CARD14: variants seen among roughly 807,000 people sequenced by gnomAD.
The protein encoded by CARD14 is caspase recruitment domain family member 14, also known as caspase recruitment domain-containing protein 14.
In CARD14, 107 loss-of-function variants were observed where a neutral mutation model predicts 111.5. The ratio of observed to expected loss-of-function variants is 0.96; its 90% CI spans 0.82 to 1.13. The LOEUF (loss-of-function observed/expected upper bound fraction) is 1.13, where lower values mean the gene tolerates loss of function less well. Among genes scored for constraint, CARD14 ranks in the 50% most tolerant of loss-of-function variants. The pLI is 0.00. For synonymous variants in CARD14, 617 were observed against 579.6 expected (o/e 1.06, Z -0.93); for missense variants, 1,322 against 1,362.3 (o/e 0.97, Z 0.47).
At position 80,195,455 on chromosome 17, in the gene CARD14, G is replaced by A. The variant is rs533545806; in HGVS notation, c.1500-103G>A. 2.1e-5 allele frequency: 31 copies of A among 1,499,610 alleles called. No homozygotes were observed. In the East Asian group the frequency reaches 5.7e-4, roughly 28 times the overall value. 92.9% of individuals were successfully genotyped at this position (1,499,610 alleles called of 1,614,324 possible). ...ATTGCAGGCAGCAGCTCCTGCCCTC[G>A]AAGCCCCAGAGCTGGCAGGTGCTGG... On this transcript the variant is annotated intron_variant, in intron 13 of 23. Coordinates refer to ENST00000648509, the MANE Select transcript of CARD14 (RefSeq NM_001366385.1). The surrounding 1 kb of genome is among the most constrained non-coding windows in gnomAD (Gnocchi z 4.7).
intron 1 of CARD14, among the ~76,000 whole-genome samples, chr17:80,171,426 C>T (rs1486440495): frequency 1.3e-5 from 2 of 150,644 alleles, no homozygotes; most frequent in East Asian, 3.9e-4. Flanking sequence ...TCAAGCAATC[C>T]TCCTGCCTTG....
chr17:80,191,691 C>A (rs1254522608), intron 11 of CARD14, among the ~76,000 whole-genome samples: 1 of 152,222 alleles, frequency 6.6e-6, no homozygotes, highest in Non-Finnish European at 1.5e-5. Flanking sequence ...CGAAGGTGCC[C>A]AGTAGACAAG....
In CARD14 at chr17:80,182,602, AGC is replaced by A; in HGVS notation, c.212-50_212-49del. On this transcript the variant is annotated intron_variant, in intron 5 of 23. Coordinates refer to ENST00000648509, the MANE Select transcript of CARD14 (RefSeq NM_001366385.1). The surrounding 1 kb of genome is among the most constrained non-coding windows in gnomAD (Gnocchi z 4.7). The stretch of plus-strand genomic sequence containing the variant: ...CGTGGGGAAGCCAGCCAGGGAGCCC[AGC>A]CCCCTTGGTAGCTGGGTTCTGCCCA... 1.2e-6 allele frequency: 2 copies of A among 1,604,832 alleles called. No homozygotes were observed. Among genetic ancestry groups the A allele is most frequent in the South Asian group, 2.2e-5 (2 of 90,050 alleles).
intron 22 of CARD14, chr17:80,205,856 A>G (rs768867012): frequency 1.6e-5 from 8 of 485,266 alleles, no homozygotes; most frequent in African/African-American, 6.0e-5. Flanking sequence ...AGGTCTCCCA[A>G]CTCCTTGAAT....
At position 80,182,818 on chromosome 17, in the gene CARD14, C is replaced by A; in HGVS notation, c.349+28C>A. Reference sequence around the variant, plus strand: ...GAGAGCTCCGACTTTGACGGTTTGGCAGGCACTTCTAGGAACCTCAGGCTC... The same window carrying A: ...GAGAGCTCCGACTTTGACGGTTTGGAAGGCACTTCTAGGAACCTCAGGCTC... On this transcript the variant is annotated intron_variant, in intron 6 of 23. Coordinates refer to ENST00000648509, the MANE Select transcript of CARD14 (RefSeq NM_001366385.1). The surrounding 1 kb of genome is among the most constrained non-coding windows in gnomAD (Gnocchi z 4.7). 1 of 1,613,498 alleles carries A rather than the reference C, an allele frequency of 6.2e-7. No individual in the cohort carries two copies. The highest frequency in any genetic ancestry group is 8.5e-7 in the Non-Finnish European group (1 of 1,179,548).
At position 80,183,969 on chromosome 17, in the gene CARD14, C is replaced by A; in HGVS notation, c.406C>A (p.Gln136Lys). 6.4e-7 allele frequency: 1 copy of A among 1,562,358 alleles called. No homozygotes were observed. Among genetic ancestry groups the A allele is most frequent in the Non-Finnish European group, 8.7e-7 (1 of 1,152,474 alleles). The change falls in exon 7 of 24, where the codon CAG becomes AAG. Residue 136 changes from glutamine to lysine, a missense_variant. By Grantham distance (53) the Gln-to-Lys change is moderately conservative (BLOSUM62 1). Transcript: ENST00000648509. ...CCTGGCTGGGGCCATCGGCAGCCTG[C>A]AGGAGGAGCTGAACCAGGAAAAGGG... ...ECLAGAIGSL[Q>K]EELNQEKGQK... is the part of the protein sequence containing the mutation.
At chr17:80,197,913 G>A (rs962440272) in intron 14 of CARD14, among the ~76,000 whole-genome samples, 186 bp from the exon 15 acceptor site, 4 of 152,224 alleles carry the variant, frequency 2.6e-5, no homozygotes, top group African/African-American at 9.6e-5. Flanking sequence ...CAGCACAAAG[G>A]ATGGAACAGG....
In CARD14 at chr17:80,202,369, C is replaced by A. The variant is rs772887668; in HGVS notation, c.2168C>A (p.Ser723Tyr). Residue 723 changes from serine to tyrosine, a missense_variant, in exon 18 of 24, where the codon TCT becomes TAT. By Grantham distance (144) the Ser-to-Tyr change is moderately radical. Transcript: ENST00000648509. The part of the protein sequence containing the change: ...CGCWHAHRVN[S>Y]YTMKDTAAHG... ...TGCTGGCATGCCCACCGCGTGAACT[C>A]TTACACCATGAAGGATACTGCCGCG... 2.5e-6 allele frequency: 4 copies of A among 1,613,406 alleles called. No homozygotes were observed. The East Asian group carries it at 8.9e-5, about 36-fold the overall frequency.
At position 80,201,198 on chromosome 17, in the gene CARD14, T is replaced by A. The variant is rs185235825; in HGVS notation, c.1852-546T>A. On this transcript the variant is annotated intron_variant, in intron 16 of 23. Transcript: ENST00000648509. This position sits in a 1 kb window ranked among gnomAD's most constrained non-coding sequence, Gnocchi z 5.0. ...CACATCTTAATTTTTATTGTAAAAA[T>A]ATCTACTCTCCTAAGCTTAGAACAA... 1 of 154,722 alleles carries A rather than the reference T, an allele frequency of 6.5e-6. No homozygotes were observed. Among genetic ancestry groups the A allele is most frequent in the East Asian group, 1.9e-4 (1 of 5,192 alleles). The allele number at this position is 154,722 out of a possible 1,614,324, so 9.6% of individuals were successfully genotyped here. A position where few individuals can be genotyped will look rare whatever the true frequency, so the allele number is the denominator to read the frequency against.
rs2040968033 is a variant in CARD14 at position 80,201,427 on chromosome 17, T to C, written c.1852-317T>C. ...CTATCTAGAATGCTCTTGAATGTTC[T>C]AGAACCGAGGTTCTTTCTTTTCTTT... On this transcript the variant is annotated intron_variant, in intron 16 of 23. Coordinates refer to ENST00000648509, the MANE Select transcript of CARD14 (RefSeq NM_001366385.1). This position sits in a 1 kb window ranked among gnomAD's most constrained non-coding sequence, Gnocchi z 5.0. 1 of 348,144 alleles carries C rather than the reference T, an allele frequency of 2.9e-6. No individual in the cohort carries two copies. Among genetic ancestry groups the C allele is most frequent in the Admixed American group, 4.6e-5 (1 of 21,644 alleles). 21.6% of individuals were successfully genotyped at this position (348,144 alleles called of 1,614,324 possible).
intron 10 of CARD14, 45 bp downstream of exon 10, chr17:80,190,944 C>A (rs771105252): frequency 6.2e-7 from 1 of 1,601,478 alleles, no homozygotes; most frequent in South Asian, 1.1e-5. Flanking sequence ...TGCTTGCTTC[C>A]CCAGGTGAGG....
At chr17:80,197,569 C>T (rs980390347) in intron 14 of CARD14, 2 of 122,598 alleles carry the variant, frequency 1.6e-5, no homozygotes, top group Non-Finnish European at 3.6e-5. Flanking sequence ...GAAAGAAAGA[C>T]AGGCCAGTGC....
chr17:80,192,497 T>C lies in CARD14; in HGVS notation c.1240-6T>C, dbSNP rs2144279573. The C allele has an allele frequency of 3.1e-6, 5 of 1,611,960 alleles. No individual in the cohort carries two copies. The highest frequency in any genetic ancestry group is 4.2e-6 in the Non-Finnish European group (5 of 1,178,522). On this transcript the variant is annotated splice_region_variant and splice_polypyrimidine_tract_variant and intron_variant, in intron 11 of 23. Coordinates refer to ENST00000648509, the MANE Select transcript of CARD14 (RefSeq NM_001366385.1). ...TTAACCAGCCTGTCTGGCCTGTCTT[T>C]GGCAGCTCAAGCAGGAAGCCAGGAC... is the stretch of plus-strand genomic sequence containing the variant.
chr17:80,176,953 C>T (rs947419959), intron 2 of CARD14, among the ~76,000 whole-genome samples: 8 of 152,178 alleles, frequency 5.3e-5, no homozygotes, highest in East Asian at 1.9e-4. Context: ...CCCCTGTGCA[C>T]GCTCCCTCTG....
rs759184440 is a variant in CARD14, at chr17:80,198,704, GC to G, written c.1851+114del. 1 of 1,594,788 alleles carries G rather than the reference GC, an allele frequency of 6.3e-7. No homozygotes were observed. The highest frequency in any genetic ancestry group is 1.1e-5 in the South Asian group (1 of 89,862). On this transcript the variant is annotated intron_variant, in intron 16 of 23. Coordinates refer to ENST00000648509, the MANE Select transcript of CARD14 (RefSeq NM_001366385.1). The surrounding 1 kb of genome is among the most constrained non-coding windows in gnomAD (Gnocchi z 7.5). Reference sequence around the variant, plus strand: ...CCCAGACGATGCAGATCCACTCTGGGCTGGGCCTCTGCTCTTTCCTGGGCTG... The same window carrying G: ...CCCAGACGATGCAGATCCACTCTGGGTGGGCCTCTGCTCTTTCCTGGGCTG...
chr17:80,184,177 A>G lies in CARD14; in HGVS notation c.614A>G (p.Tyr205Cys), dbSNP rs1206332492. 1.3e-6 allele frequency: 2 copies of G among 1,562,280 alleles called. No individual in the cohort carries two copies. The highest frequency in any genetic ancestry group is 1.7e-6 in the Non-Finnish European group (2 of 1,153,486). ...GAGATGCTCAGCCTCTCGCTGCACT[A>G]TAGCAATGCGCTGCAGGAGAAGGAG... ...KDEMLSLSLH[Y>C]SNALQEKELA... The change falls in exon 7 of 24, where the codon TAT (tyrosine) becomes TGT (cysteine). Residue 205 changes from tyrosine to cysteine, a missense_variant. By Grantham distance (194) the Tyr-to-Cys change is radical. Coordinates refer to ENST00000648509, the MANE Select transcript of CARD14 (RefSeq NM_001366385.1).
chr17:80,207,753 A>G, intron 23 of CARD14: 1 of 228,172 alleles, frequency 4.4e-6, no homozygotes, highest in East Asian at 8.7e-5. Flanking sequence ...CCCTCCCCCA[A>G]GAGCAGCTCA....
At chr17:80,177,913 G>A (rs73438201) in intron 2 of CARD14, among the ~76,000 whole-genome samples, 6,989 of 152,172 alleles carry the variant, frequency 0.046, 200 homozygotes, top group East Asian at 0.13. Context: ...ACTTGATTAC[G>A]TTGGCAGAGA....
At chr17:80,186,718 T>C (rs966094538) in intron 7 of CARD14, among the ~76,000 whole-genome samples, 12 of 151,956 alleles carry the variant, frequency 7.9e-5, no homozygotes, top group Non-Finnish European at 1.5e-4. Flanking sequence ...CTGGCTAATT[T>C]TTCGTATTTT....
Sources: allele counts gnomAD v4.1 joint callset (sites outside exome capture counted in the v4.1 genomes callset), GRCh38; gene constraint gnomAD v4.1.1; non-coding constraint Gnocchi (gnomAD v3.1); transcripts MANE v1.5; gene names NCBI Gene and HGNC (gene_info 2026-07-23, HGNC 2026-07-21).